The following TRHDE variants were observed in gnomAD, a reference collection of about 807,000 sequenced individuals.
TRHDE encodes the protein thyrotropin releasing hormone degrading enzyme, also known as thyrotropin-releasing hormone-degrading ectoenzyme.
Under a neutral mutation model 125.7 loss-of-function variants are expected in TRHDE, and 72 were observed. The ratio of observed to expected loss-of-function variants is 0.57; its 90% CI spans 0.47 to 0.70. TRHDE has a LOEUF of 0.70. Ranked by LOEUF, TRHDE falls within the 30% of genes least tolerant of loss-of-function variation. The probability of loss-of-function intolerance (pLI) is 0.00; values close to 1 mark genes in which losing one functional copy is unlikely to be tolerated. For synonymous variants in TRHDE, 509 were observed against 509.1 expected, an observed-to-expected ratio of 1.00 and a Z score of 0.00; for missense variants, 1,110 against 1,327.1, an observed-to-expected ratio of 0.84 and a Z score of 2.54.
chr12:72,481,252 C>CTT (rs1877155501), intron 5 of TRHDE, among the ~76,000 whole-genome samples: 1 of 148,606 alleles, frequency 6.7e-6, no homozygotes, highest in African/African-American at 2.5e-5. Flanking sequence ...ATCAAGGTTA[C>CTT]TTTAATACTG....
intron 5 of TRHDE, among the ~76,000 whole-genome samples, chr12:72,485,117 CAGTCTTCGT>C (rs1275176090): frequency 6.6e-6 from 1 of 152,142 alleles, no homozygotes; most frequent in East Asian, 1.9e-4. Flanking sequence ...GAGACTCCTT[CAGTCTTCGT>C]AGGCTCTGAG....
intron 2 of TRHDE, among the ~76,000 whole-genome samples, chr12:72,202,731 G>T (rs1484956441): frequency 6.6e-6 from 1 of 152,180 alleles, no homozygotes; most frequent in Non-Finnish European, 1.5e-5. Context: ...AGGCAGAGCA[G>T]TCCTGACATG....
intron 3 of TRHDE, among the ~76,000 whole-genome samples, chr12:72,435,133 C>G (rs1874681360): frequency 1.3e-5 from 2 of 152,134 alleles, no homozygotes; most frequent in Non-Finnish European, 2.9e-5. Context: ...TCAAGAGGAG[C>G]TAGAAATGGA....
At chr12:72,134,281 A>G (rs1181052869) in intron 2 of TRHDE, among the ~76,000 whole-genome samples, 1 of 152,094 alleles carries the variant, frequency 6.6e-6, no homozygotes, top group Non-Finnish European at 1.5e-5. Context: ...TCATCCTACA[A>G]ATAGGGGTGT....
At chr12:72,472,337 C>T (rs1283774894) in intron 4 of TRHDE, among the ~76,000 whole-genome samples, 1 of 152,122 alleles carries the variant, frequency 6.6e-6, no homozygotes, top group Admixed American at 6.5e-5. Context: ...ATTCCTTTAA[C>T]GTTTTCCTGA....
intron 1 of TRHDE, among the ~76,000 whole-genome samples, chr12:72,275,776 CT>C (rs1284227484): frequency 6.6e-6 from 1 of 152,150 alleles, no homozygotes. Flanking sequence ...TCTTGTACCC[CT>C]AGTGCGTATT....
intron 2 of TRHDE, among the ~76,000 whole-genome samples, chr12:72,129,588 A>C (rs2139306826): frequency 6.6e-6 from 1 of 152,368 alleles, no homozygotes; most frequent in African/African-American, 2.4e-5. Context: ...TGTATGTAAC[A>C]GAGAAACTTT....
At chr12:72,616,544 T>G (rs1872821713) in intron 12 of TRHDE, among the ~76,000 whole-genome samples, 2 of 152,094 alleles carry the variant, frequency 1.3e-5, no homozygotes, top group South Asian at 4.1e-4. Flanking sequence ...TTCCGTAACA[T>G]TATTTGTCAT....
chr12:72,316,286 T>TA (rs955910211), intron 2 of TRHDE, among the ~76,000 whole-genome samples: 33 of 152,316 alleles, frequency 2.2e-4, no homozygotes, highest in African/African-American at 7.2e-4. Context: ...GGTAGTTACT[T>TA]ATGCTGCCTC....
intron 3 of TRHDE, among the ~76,000 whole-genome samples, chr12:72,381,512 C>A (rs1195231446): frequency 1.3e-5 from 2 of 150,768 alleles, no homozygotes; most frequent in African/African-American, 4.9e-5. Flanking sequence ...TCTCCTGCCT[C>A]AGCCTCCCAA....
Position 72,563,398 on chromosome 12 carries a change from T to G in TRHDE, c.2042+358T>G, listed in dbSNP as rs1318617911. Among the ~76,000 whole-genome samples the G allele has an allele frequency of 2.6e-5, 4 of 151,252 alleles. No homozygotes were observed. The East Asian group carries it at 7.9e-4, about 30-fold the overall frequency. On this transcript the variant is annotated intron_variant, in intron 9 of 18. Transcript: ENST00000261180. ...AAAAGGAATTGAGCAAACTGTGAGA[T>G]TTATAAAACAAGTGAGAACAGAAAC...
intron 5 of TRHDE, among the ~76,000 whole-genome samples, chr12:72,493,743 A>G (rs1323338330): frequency 6.6e-6 from 1 of 151,898 alleles, no homozygotes; most frequent in Non-Finnish European, 1.5e-5. Context: ...TAGTCCCCCA[A>G]ACGAACCACA....
Position 72,665,299 on chromosome 12 carries a change from A to G in TRHDE, c.*2104A>G, listed in dbSNP as rs990895258. On this transcript the variant is annotated 3_prime_UTR_variant, in exon 19 of 19. Coordinates refer to ENST00000261180, the MANE Select transcript of TRHDE (RefSeq NM_013381.3). Reference sequence around the variant, plus strand: ...GAGTTTGAAGGGCTTTTATAGTTGTATTTTCCTCCTCACTGTTAATAATCA... The same window carrying G: ...GAGTTTGAAGGGCTTTTATAGTTGTGTTTTCCTCCTCACTGTTAATAATCA... The G allele has an allele frequency of 3.9e-5, 6 of 152,372 alleles. No homozygotes were observed. Among genetic ancestry groups the G allele is most frequent in the South Asian group, 2.1e-4 (1 of 4,820 alleles). The allele number at this position is 152,372 out of a possible 1,614,324, so 9.4% of individuals were successfully genotyped here. A position where few individuals can be genotyped will look rare whatever the true frequency, so the allele number is the denominator to read the frequency against.
chr12:72,592,673 C>G (rs1871736092), intron 12 of TRHDE, among the ~76,000 whole-genome samples: 1 of 150,368 alleles, frequency 6.7e-6, no homozygotes, highest in Non-Finnish European at 1.5e-5. Context: ...TTAGTTAAGG[C>G]CTTTTGCCTG....
chr12:72,309,144 T>TCCAGTCCCCAGCAGCTAGTA (rs975869342), intron 2 of TRHDE, among the ~76,000 whole-genome samples: 1 of 152,166 alleles, frequency 6.6e-6, no homozygotes, highest in Non-Finnish European at 1.5e-5. Context: ...TCCCTCTGTT[T>TCCAGTCCCCAGCAGCTAGTA]CCAGTCCCCA....
chr12:72,277,628 G>A (rs1379768253), intron 1 of TRHDE, among the ~76,000 whole-genome samples: 1 of 151,884 alleles, frequency 6.6e-6, no homozygotes, highest in Non-Finnish European at 1.5e-5. Flanking sequence ...GTTCAGTGCT[G>A]GATTTTGAAC....
At chr12:72,111,175 T>C (rs1276971791) in intron 2 of TRHDE, among the ~76,000 whole-genome samples, 1 of 152,184 alleles carries the variant, frequency 6.6e-6, no homozygotes, top group African/African-American at 2.4e-5. Context: ...TTAACTCATG[T>C]TTCAGATGTG....
At chr12:72,645,294 G>A in intron 15 of TRHDE, among the ~76,000 whole-genome samples, 1 of 152,140 alleles carries the variant, frequency 6.6e-6, no homozygotes, top group East Asian at 1.9e-4. Context: ...AACAGGTGAT[G>A]AAGCTGAACA....
intron 2 of TRHDE, among the ~76,000 whole-genome samples, chr12:72,178,686 C>T (rs886479875): frequency 1.3e-5 from 2 of 151,992 alleles, no homozygotes; most frequent in Non-Finnish European, 2.9e-5. Context: ...AGAATCTATC[C>T]CACTTAGGCA....
Sources: allele counts gnomAD v4.1 joint callset (sites outside exome capture counted in the v4.1 genomes callset), GRCh38; gene constraint gnomAD v4.1.1; transcripts MANE v1.5; gene names NCBI Gene and HGNC (gene_info 2026-07-23, HGNC 2026-07-21).